CRTC1: variants seen among roughly 807,000 people sequenced by gnomAD.
CRTC1 encodes CREB regulated transcription coactivator 1.
Under a neutral mutation model 66.1 loss-of-function variants are expected in CRTC1, and 18 were observed. The observed-to-expected ratio is 0.27, with a 90% confidence interval of 0.19 to 0.40. CRTC1 has a LOEUF of 0.40. Among genes scored for constraint, CRTC1 ranks in the 10% least tolerant of loss-of-function variants. CRTC1 has a pLI of 1.00. For missense variants in CRTC1, 669 were observed against 887.9 expected (o/e 0.75, Z 3.13); for synonymous variants, 416 against 398.8 (o/e 1.04, Z -0.51).
At chr19:18,762,296 G>A (rs1376174970) in intron 8 of CRTC1, among the ~76,000 whole-genome samples, 2 of 152,258 alleles carry the variant, frequency 1.3e-5, no homozygotes, top group East Asian at 1.9e-4. Context: ...AGCTGGAGCC[G>A]GCGCTGGCCA....
chr19:18,730,894 A>C (rs1481584794), intron 1 of CRTC1, among the ~76,000 whole-genome samples: 1 of 151,884 alleles, frequency 6.6e-6, no homozygotes, highest in African/African-American at 2.4e-5. Flanking sequence ...GTCCAGAGGG[A>C]GCTTGGAGAG....
chr19:18,774,707 C>T (rs1290753177), intron 11 of CRTC1, among the ~76,000 whole-genome samples, 193 bp from the exon 12 acceptor site: 2 of 152,170 alleles, frequency 1.3e-5, no homozygotes, highest in African/African-American at 4.8e-5. Context: ...AGAGGCCTCC[C>T]AGGAGCAGGT....
At chr19:18,712,182 G>A (rs2053406420) in intron 1 of CRTC1, among the ~76,000 whole-genome samples, 1 of 151,792 alleles carries the variant, frequency 6.6e-6, no homozygotes, top group Non-Finnish European at 1.5e-5. Context: ...CTGGGCTCAA[G>A]CCGTCCTCCT....
At position 18,777,324 on chromosome 19, in the gene CRTC1, C is replaced by G; in HGVS notation, c.1847C>G (p.Pro616Arg). Residue 616 changes from proline (P) to arginine (R), a missense_variant, in exon 14 of 14, where the codon CCC becomes CGC. Around this residue, in one of 8 missense-constraint regions of CRTC1, gnomAD observed 91 missense variants for 99.1 expected, o/e 0.92. Transcript: ENST00000321949. This position sits in a 1 kb window ranked among gnomAD's most constrained non-coding sequence, Gnocchi z 5.5. ...TLDGLHMLND[P>R]DMVLADPATE... ...GACGGACTGCACATGCTCAACGACC[C>G]CGACATGGTTCTGGCCGACCCAGCC... 6.2e-7 allele frequency: 1 copy of G among 1,610,824 alleles called. No individual in the cohort carries two copies. The highest frequency in any genetic ancestry group is 8.5e-7 in the Non-Finnish European group (1 of 1,179,988).
intron 2 of CRTC1, among the ~76,000 whole-genome samples, chr19:18,745,178 C>T (rs973024130): frequency 3.3e-5 from 5 of 152,214 alleles, no homozygotes; most frequent in Non-Finnish European, 7.3e-5. Flanking sequence ...AAGCCCCATC[C>T]AGCCAAGCAG....
intron 9 of CRTC1, among the ~76,000 whole-genome samples, chr19:18,767,615 C>G (rs574573031): frequency 6.6e-6 from 1 of 152,314 alleles, no homozygotes; most frequent in East Asian, 1.9e-4. Context: ...CCCCTCGGCC[C>G]CCATGTCTCC....
At position 18,778,610 on chromosome 19, in the gene CRTC1, C is replaced by T; in HGVS notation, c.*1228C>T. On this transcript the variant is annotated 3_prime_UTR_variant, in exon 14 of 14. Coordinates refer to ENST00000321949, the MANE Select transcript of CRTC1 (RefSeq NM_015321.3). ...CACAGAACAGACTTCCGGGAAGGGGCCTTGGCTTTTATTGAGGGTCTCTCA... is the reference window on the plus strand; with the variant it reads ...CACAGAACAGACTTCCGGGAAGGGGTCTTGGCTTTTATTGAGGGTCTCTCA... The T allele has an allele frequency of 4.3e-6, 1 of 230,850 alleles. No homozygotes were observed. The allele number at this position is 230,850 out of a possible 1,614,324, so 14.3% of individuals were successfully genotyped here.
chr19:18,708,069 C>T (rs2053305270), intron 1 of CRTC1, among the ~76,000 whole-genome samples: 1 of 152,114 alleles, frequency 6.6e-6, no homozygotes, highest in Non-Finnish European at 1.5e-5. Context: ...TGCAGTGGGA[C>T]ATTAGGGGTG....
chr19:18,745,827 C>A lies in CRTC1; in HGVS notation c.248C>A (p.Pro83His). The change falls in exon 3 of 14, where the codon CCC (proline) becomes CAC (histidine). Residue 83 changes from proline to histidine, a missense_variant. By Grantham distance (77) the Pro-to-His change is moderately conservative. Coordinates refer to ENST00000321949, the MANE Select transcript of CRTC1 (RefSeq NM_015321.3). ...TTCCATCTCCTCCTCCCCCAGACCC[C>A]CTTCCAATCCTCGGGCCTGGACACC... is the stretch of plus-strand genomic sequence containing the variant. ...SGTMDLPFQT[P>H]FQSSGLDTSR... is the part of the protein sequence containing the mutation. 2 of 1,613,880 alleles carry A rather than the reference C, an allele frequency of 1.2e-6. No homozygotes were observed. Among genetic ancestry groups the A allele is most frequent in the Non-Finnish European group, 1.7e-6 (2 of 1,179,924 alleles).
chr19:18,747,464 C>A (rs1229035369), intron 4 of CRTC1, among the ~76,000 whole-genome samples: 1 of 152,132 alleles, frequency 6.6e-6, no homozygotes, highest in East Asian at 1.9e-4. Context: ...TGGTGAAACC[C>A]CGTCTCTACT....
rs76516872 is a variant in CRTC1 at position 18,739,151 on chromosome 19, G to A, written c.127-3759G>A. Among the ~76,000 whole-genome samples, 691 of 152,362 alleles carry A rather than the reference G, an allele frequency of 4.5e-3. 11 individuals carry two copies. Among genetic ancestry groups the A allele is most frequent in the African/African-American group, 0.015 (619 of 41,586 alleles). On this transcript the variant is annotated intron_variant, in intron 1 of 13. Transcript: ENST00000321949. The stretch of plus-strand genomic sequence containing the variant: ...AGCTGCAGTTTTCCCGACTCCTACC[G>A]GACGCCTTCTCCAGGCCTCAGCTGT...
At chr19:18,693,716 G>A (rs1237023529) in intron 1 of CRTC1, among the ~76,000 whole-genome samples, 3 of 151,668 alleles carry the variant, frequency 2.0e-5, no homozygotes, top group African/African-American at 4.8e-5. Flanking sequence ...ATCTGATCTC[G>A]TGATCCACCC....
intron 6 of CRTC1, among the ~76,000 whole-genome samples, chr19:18,755,264 C>T (rs1021559568): frequency 3.9e-5 from 6 of 152,046 alleles, no homozygotes; most frequent in Admixed American, 2.0e-4. Flanking sequence ...GCTGGGATGA[C>T]AGGCTCTTTT....
intron 2 of CRTC1, among the ~76,000 whole-genome samples, chr19:18,743,749 G>A (rs1428002936): frequency 6.6e-6 from 1 of 152,228 alleles, no homozygotes; most frequent in Non-Finnish European, 1.5e-5. Flanking sequence ...ACCGCCACCT[G>A]CACCGCCGCT....
intron 6 of CRTC1, among the ~76,000 whole-genome samples, chr19:18,756,058 GT>G (rs1160218774): frequency 6.6e-6 from 1 of 152,132 alleles, no homozygotes; most frequent in African/African-American, 2.4e-5. Context: ...CCTAGGCCAG[GT>G]GCAGTGGCTT....
In CRTC1 at chr19:18,765,482, G is replaced by T; in HGVS notation, c.965G>T (p.Arg322Leu). 6.2e-7 allele frequency: 1 copy of T among 1,611,064 alleles called. No homozygotes were observed. ...SPLSLSTEAR[R>L]QQASPTLSPL... ...CTGTCCCTGAGCACAGAGGCAAGGC[G>T]TCAGCAGGCATCGCCCACCCTGTCC... Residue 322 changes from arginine to leucine, a missense_variant, in exon 9 of 14, where the codon CGT becomes CTT. Arg to Leu is a moderately radical substitution (Grantham distance 102). Around this residue, in one of 8 missense-constraint regions of CRTC1, gnomAD observed 241 missense variants for 242.2 expected, o/e 0.99. Coordinates refer to ENST00000321949, the MANE Select transcript of CRTC1 (RefSeq NM_015321.3).
intron 1 of CRTC1, among the ~76,000 whole-genome samples, chr19:18,723,279 T>C (rs1038750879): frequency 1.3e-5 from 2 of 152,146 alleles, no homozygotes; most frequent in Admixed American, 1.3e-4. Flanking sequence ...TGGACCACAT[T>C]TTGTTTATCC....
intron 1 of CRTC1, among the ~76,000 whole-genome samples, chr19:18,690,899 G>A (rs1041589480): frequency 1.3e-5 from 2 of 151,880 alleles, no homozygotes; most frequent in Non-Finnish European, 2.9e-5. Flanking sequence ...GGTGGTGAGC[G>A]CCTGTAGTCC....
chr19:18,725,598 G>A (rs897088423), intron 1 of CRTC1, among the ~76,000 whole-genome samples: 6 of 152,160 alleles, frequency 3.9e-5, no homozygotes, highest in Non-Finnish European at 7.4e-5. Flanking sequence ...CCAGGCTGCC[G>A]GCTGGACCTG....
Sources: gnomAD v4.1 joint callset for allele counts (sites outside exome capture counted in the v4.1 genomes callset) on GRCh38, gnomAD v4.1.1 for gene constraint, gnomAD v4.1.1 regional missense constraint, Gnocchi (gnomAD v3.1) non-coding constraint, MANE v1.5 for transcripts, NCBI Gene and HGNC (gene_info 2026-07-23, HGNC 2026-07-21) for gene names.